SYK: variants seen among roughly 807,000 people sequenced by gnomAD.
SYK encodes the protein tyrosine-protein kinase SYK.
Under a neutral mutation model 77.8 loss-of-function variants are expected in SYK, and 16 were observed. The ratio of observed to expected loss-of-function variants is 0.21; its 90% confidence interval spans 0.14 to 0.31. The LOEUF (loss-of-function observed/expected upper bound fraction) is 0.31. Ranked by LOEUF, SYK falls within the 10% of genes least tolerant of loss-of-function variation. SYK has a pLI of 1.00. For missense variants in SYK, 529 were observed against 814.4 expected (o/e 0.65, Z 4.26); for synonymous variants, 312 against 308.7 (o/e 1.01, Z -0.11).
At position 90,817,845 on chromosome 9, in the gene SYK, T is replaced by TTG. The variant is rs746939088; in HGVS notation, c.-42+15989_-42+15990dup. Reference sequence around the variant, plus strand: ...AATATTTCCTCCCTTCTCAATAATGTTGTGTGTGTGTGTGTGTGTGTGTGT... The same window carrying TTG: ...AATATTTCCTCCCTTCTCAATAATGTTGTGTGTGTGTGTGTGTGTGTGTGTGT... On this transcript the variant is annotated intron_variant, in intron 1 of 13. Coordinates refer to ENST00000375754, the MANE Select transcript of SYK (RefSeq NM_003177.7). 7.0e-3 allele frequency among the ~76,000 whole-genome samples: 968 copies of TTG among 137,628 alleles called. 7 individuals carry two copies. Among genetic ancestry groups the TTG allele is most frequent in the Non-Finnish European group, 9.4e-3 (616 of 65,460 alleles). The allele number at this position is 137,628 out of a possible 152,430, so 90.3% of individuals were successfully genotyped here.
At chr9:90,886,340 G>C (rs1828575347) in intron 11 of SYK, among the ~76,000 whole-genome samples, 1 of 152,178 alleles carries the variant, frequency 6.6e-6, no homozygotes, top group Non-Finnish European at 1.5e-5. Context: ...GGAAAAAAAG[G>C]AACTCTTATA....
chr9:90,805,077 A>G (rs997718555), intron 1 of SYK, among the ~76,000 whole-genome samples: 23 of 152,182 alleles, frequency 1.5e-4, no homozygotes, highest in African/African-American at 5.3e-4. Flanking sequence ...AAGAAAGAAT[A>G]TTTTGTTTAT....
At position 90,842,136 on chromosome 9, in the gene SYK, G is replaced by A. The variant is rs548632185; in HGVS notation, c.-41-1722G>A. On this transcript the variant is annotated intron_variant, in intron 1 of 13. Coordinates refer to ENST00000375754, the MANE Select transcript of SYK (RefSeq NM_003177.7). Reference sequence around the variant, plus strand: ...TGTATGTGGTATGTATGTAATTTGTGTTGTGTGTGCAGTGTGTGTTGTTTG... The same window carrying A: ...TGTATGTGGTATGTATGTAATTTGTATTGTGTGTGCAGTGTGTGTTGTTTG... Among the ~76,000 whole-genome samples, 864 of 150,758 alleles carry A rather than the reference G, an allele frequency of 5.7e-3. 5 individuals carry two copies. The highest frequency in any genetic ancestry group is 0.01 in the Middle Eastern group (3 of 288).
At chr9:90,818,342 A>C (rs1825372426) in intron 1 of SYK, among the ~76,000 whole-genome samples, 1 of 152,248 alleles carries the variant, frequency 6.6e-6, no homozygotes, top group Non-Finnish European at 1.5e-5. Flanking sequence ...AAACAACTTC[A>C]GAATGACCAA....
intron 2 of SYK, 120 bp from the exon 3 acceptor site, chr9:90,845,314 A>G: frequency 1.0e-6 from 1 of 1,003,388 alleles, no homozygotes; most frequent in East Asian, 2.5e-5. Flanking sequence ...TGAATGAATG[A>G]GTGAATAAGT....
chr9:90,887,495 T>C (rs1828623933), intron 11 of SYK, among the ~76,000 whole-genome samples: 1 of 150,098 alleles, frequency 6.7e-6, no homozygotes, highest in Non-Finnish European at 1.5e-5. Flanking sequence ...AACCTCTGCC[T>C]TCTGGGTTCA....
Position 90,819,268 on chromosome 9 carries a change from T to C in SYK, c.-42+17375T>C, listed in dbSNP as rs774395785. On this transcript the variant is annotated intron_variant, in intron 1 of 13. Transcript: ENST00000375754. ...TGGTTGATCCTCAGTATTCATGGCT[T>C]CTGAATTTGTGAATTTGCCTACTCA... Among the ~76,000 whole-genome samples, 4 of 152,200 alleles carry C rather than the reference T, an allele frequency of 2.6e-5. No homozygotes were observed. In the South Asian group the frequency reaches 6.2e-4, roughly 24 times the overall value.
chr9:90,878,631 C>T (rs990585506), intron 10 of SYK, 133 bp from the exon 11 acceptor site: 5 of 672,506 alleles, frequency 7.4e-6, no homozygotes, highest in East Asian at 2.6e-5. Context: ...AGTTATTTGT[C>T]ACCACTCGTG....
Position 90,862,279 on chromosome 9 carries a change from A to G in SYK, c.652A>G (p.Ile218Val). The change falls in exon 4 of 14, where the codon ATC becomes GTC. Residue 218 changes from isoleucine (I) to valine (V), a missense_variant. By Grantham distance (29) the Ile-to-Val change is conservative. Transcript: ENST00000375754. ...CGAAGGGAAGGTGCTGCACTATCGC[A>G]TCGACAAAGACAAGACAGGGAAGCT... Reference protein sequence around the residue: ...LHEGKVLHYRIDKDKTGKLSI... With the variant: ...LHEGKVLHYRVDKDKTGKLSI... The G allele has an allele frequency of 6.2e-7, 1 of 1,614,152 alleles. No homozygotes were observed. The highest frequency in any genetic ancestry group is 8.5e-7 in the Non-Finnish European group (1 of 1,180,004).
chr9:90,803,974 T>C (rs1017473436), intron 1 of SYK, among the ~76,000 whole-genome samples: 1 of 151,844 alleles, frequency 6.6e-6, no homozygotes, highest in African/African-American at 2.4e-5. Flanking sequence ...TGTGTCTGTT[T>C]AGAGCAGGTG....
rs113853577 is a variant in SYK, at chr9:90,867,630, C to T, written c.915+431C>T. Among the ~76,000 whole-genome samples the T allele has an allele frequency of 1.2e-4, 19 of 152,182 alleles. 2 individuals carry two copies. The South Asian group carries it at 1.7e-3, about 13-fold the overall frequency. On this transcript the variant is annotated intron_variant, in intron 7 of 13. Transcript: ENST00000375754. ...GGGAACACCAAGGTTTTGTGAGGCG[C>T]GCTGCACAGTGAGGTCAGGCAGTGC... is the stretch of plus-strand genomic sequence containing the variant.
intron 1 of SYK, among the ~76,000 whole-genome samples, chr9:90,804,238 A>C (rs1325532572): frequency 6.6e-6 from 1 of 152,260 alleles, no homozygotes; most frequent in Non-Finnish European, 1.5e-5. Context: ...CGATCAAAAT[A>C]GAGGTACTTC....
At chr9:90,874,403 A>C (rs1394348709) in intron 8 of SYK, 112 bp downstream of exon 8, 2 of 1,115,348 alleles carry the variant, frequency 1.8e-6, no homozygotes, top group Non-Finnish European at 2.7e-6. Context: ...CAATACAGCC[A>C]CAGTTAGCCA....
Position 90,870,298 on chromosome 9 carries a change from G to A in SYK, c.915+3099G>A, listed in dbSNP as rs114843453. ...ATGGAAAATAGGTGGAAATTAAACA[G>A]CAACATCTCTAAAAAGACTTCCAGG... On this transcript the variant is annotated intron_variant, in intron 7 of 13. Transcript: ENST00000375754. Among the ~76,000 whole-genome samples the A allele has an allele frequency of 6.5e-3, 991 of 152,244 alleles. 9 individuals carry two copies. Among genetic ancestry groups the A allele is most frequent in the African/African-American group, 0.018 (748 of 41,538 alleles).
chr9:90,868,709 A>G (rs890065435), intron 7 of SYK, among the ~76,000 whole-genome samples: 3 of 152,206 alleles, frequency 2.0e-5, no homozygotes, highest in African/African-American at 7.2e-5. Context: ...ATAACACTGT[A>G]GTAAAGGCAT....
chr9:90,884,175 A>G (rs929024015), intron 11 of SYK, among the ~76,000 whole-genome samples: 3 of 151,304 alleles, frequency 2.0e-5, no homozygotes, highest in African/African-American at 4.9e-5. Flanking sequence ...ACATACACAT[A>G]CGTGTATATA....
At chr9:90,814,867 A>ACACACAC (rs1825234587) in intron 1 of SYK, among the ~76,000 whole-genome samples, 1 of 10,190 alleles carries the variant, frequency 9.8e-5, no homozygotes, top group Non-Finnish European at 2.9e-4. Context: ...CACACACACA[A>ACACACAC]AATAATGTTA....
At chr9:90,830,042 T>C (rs1825821871) in intron 1 of SYK, among the ~76,000 whole-genome samples, 2 of 152,250 alleles carry the variant, frequency 1.3e-5, no homozygotes, top group Non-Finnish European at 2.9e-5. Flanking sequence ...TATCCCTCTA[T>C]TTCTAAACAT....
intron 1 of SYK, among the ~76,000 whole-genome samples, chr9:90,817,882 T>TGAGAGA (rs1171979799): frequency 1.0e-4 from 7 of 66,846 alleles, no homozygotes; most frequent in Admixed American, 1.8e-4. Context: ...TGTGTGTGTG[T>TGAGAGA]GAGAGAGAGA....
Sources: allele counts gnomAD v4.1 joint callset (sites outside exome capture counted in the v4.1 genomes callset), GRCh38; gene constraint gnomAD v4.1.1; transcripts MANE v1.5; gene names NCBI Gene and HGNC (gene_info 2026-07-23, HGNC 2026-07-21).